The following ELFN1 variants were observed in gnomAD, a reference collection of about 807,000 sequenced individuals.
The protein encoded by ELFN1 is protein ELFN1.
In ELFN1, 6 loss-of-function variants were observed where a neutral mutation model predicts 7.6. That is an observed-to-expected ratio of 0.79 (90% CI 0.43 to 1.56). The LOEUF is 1.56. ELFN1 is among the 40% of genes most tolerant of loss of function. The pLI, the probability that ELFN1 is intolerant of heterozygous loss-of-function variation, is 0.01. For synonymous variants in ELFN1, 657 were observed against 588.1 expected, an observed-to-expected ratio of 1.12 and a Z score of -1.70; for missense variants, 1,169 against 1,232.2, an observed-to-expected ratio of 0.95 and a Z score of 0.77.
intron 3 of ELFN1, among the ~76,000 whole-genome samples, chr7:1,723,700 G>C (rs1013521087): frequency 6.6e-6 from 1 of 152,216 alleles, no homozygotes; most frequent in Non-Finnish European, 1.5e-5. Flanking sequence ...CTTTGCCTTG[G>C]TGAGATGTTG....
intron 1 of ELFN1, among the ~76,000 whole-genome samples, chr7:1,686,871 CTG>C (rs1779070976): frequency 6.6e-6 from 1 of 152,136 alleles, no homozygotes; most frequent in Non-Finnish European, 1.5e-5. Context: ...ATGCAACTCT[CTG>C]TCAGATTCCC....
chr7:1,733,374 C>A (rs978451807), intron 3 of ELFN1, among the ~76,000 whole-genome samples: 2 of 152,070 alleles, frequency 1.3e-5, no homozygotes, highest in Admixed American at 6.5e-5. Context: ...ACAGGCCTCT[C>A]GGGTGCTGAT....
chr7:1,731,107 C>T (rs974456639), intron 3 of ELFN1, among the ~76,000 whole-genome samples: 6 of 152,038 alleles, frequency 3.9e-5, no homozygotes, highest in African/African-American at 9.7e-5. Flanking sequence ...AGGAATGAAT[C>T]GACAAGAGAA....
At chr7:1,730,011 G>T (rs368395451) in intron 3 of ELFN1, among the ~76,000 whole-genome samples, 1 of 152,170 alleles carries the variant, frequency 6.6e-6, no homozygotes, top group African/African-American at 2.4e-5. Context: ...CAAGGCCCTC[G>T]GCAGCCCCAC....
intron 2 of ELFN1, among the ~76,000 whole-genome samples, chr7:1,689,889 G>T (rs1019570877): frequency 6.6e-6 from 1 of 152,192 alleles, no homozygotes; most frequent in African/African-American, 2.4e-5. Context: ...TCCCCAAGCA[G>T]TCAGGGATCT....
chr7:1,732,509 T>C (rs1285994372), intron 3 of ELFN1, among the ~76,000 whole-genome samples: 3 of 152,094 alleles, frequency 2.0e-5, no homozygotes, highest in South Asian at 2.1e-4. Context: ...TTACTCAACA[T>C]AGTGTCAGGG....
At chr7:1,668,732 C>A (rs1476139953), upstream of ELFN1, among the ~76,000 whole-genome samples, 1 of 152,254 alleles carries the variant, frequency 6.6e-6, no homozygotes, top group African/African-American at 2.4e-5. Context: ...CAGTATCTAT[C>A]TGGTGGGTAA....
chr7:1,685,561 AT>A (rs952195943), intron 1 of ELFN1, among the ~76,000 whole-genome samples: 20 of 150,730 alleles, frequency 1.3e-4, no homozygotes, highest in South Asian at 2.1e-4. Context: ...AAGCACACTA[AT>A]TTTTTTTTGC....
At chr7:1,677,508 G>A (rs1413567005) in intron 1 of ELFN1, among the ~76,000 whole-genome samples, 2 of 152,142 alleles carry the variant, frequency 1.3e-5, no homozygotes, top group African/African-American at 4.8e-5. Flanking sequence ...ACAGAGGACT[G>A]TGCAGGGGTG....
Position 1,747,026 on chromosome 7 carries a change from G to A in ELFN1, c.2430G>A (p.Glu810=). 1 of 1,556,456 alleles carries A rather than the reference G, an allele frequency of 6.4e-7. No homozygotes were observed. Among genetic ancestry groups the A allele is most frequent in the Non-Finnish European group, 8.7e-7 (1 of 1,150,104 alleles). ...LRKKVQFAKD[E]DLHDILDYWK... is the part of the protein sequence containing the mutation. ...AGAAGGTTCAGTTCGCCAAAGACGA[G>A]GATCTGCACGACATCCTGGACTACT... Residue 810 remains glutamate, a synonymous_variant, in exon 4 of 4, where the codon GAG becomes GAA. Coordinates refer to ENST00000424383, the MANE Select transcript of ELFN1 (RefSeq NM_001128636.4).
chr7:1,742,670 G>A (rs1050732746), intron 3 of ELFN1, among the ~76,000 whole-genome samples: 10 of 152,176 alleles, frequency 6.6e-5, no homozygotes, highest in South Asian at 4.1e-4. Context: ...TGGGCTTGGC[G>A]TCCCCTGGCC....
intron 2 of ELFN1, among the ~76,000 whole-genome samples, chr7:1,707,743 C>A (rs1201670984): frequency 2.0e-5 from 3 of 152,238 alleles, no homozygotes; most frequent in Admixed American, 6.5e-5. Flanking sequence ...AGCATCCCCC[C>A]ACTTCCCCAC....
At chr7:1,667,794 G>A (rs1778692169), upstream of ELFN1, among the ~76,000 whole-genome samples, 1 of 152,196 alleles carries the variant, frequency 6.6e-6, no homozygotes, top group Admixed American at 6.5e-5. The surrounding 1 kb of genome is among the most constrained non-coding windows in gnomAD (Gnocchi z 8.2). Context: ...TCTGGGGGAG[G>A]GGCAGGGGGC....
intron 2 of ELFN1, among the ~76,000 whole-genome samples, chr7:1,707,874 A>T (rs914165299): frequency 5.3e-5 from 8 of 152,098 alleles, no homozygotes; most frequent in South Asian, 2.1e-4. Flanking sequence ...GCCTTCTAGC[A>T]CTTACTCTGT....
rs993155545 is a variant in ELFN1, at chr7:1,673,143, G to T, written c.-549+2789G>T. 6.6e-6 allele frequency among the ~76,000 whole-genome samples: 1 copy of T among 151,412 alleles called. No individual in the cohort carries two copies. The highest frequency in any genetic ancestry group is 1.5e-5 in the Non-Finnish European group (1 of 67,918). ...GTGGATTTGGTTTCTTCCAGCACAA[G>T]CTCAGGTGTCAAGTGGCCTTGGGTG... On this transcript the variant is annotated intron_variant, in intron 1 of 3. Transcript: ENST00000424383. The surrounding 1 kb of genome is among the most constrained non-coding windows in gnomAD (Gnocchi z 4.7).
Position 1,670,410 on chromosome 7 carries a change from C to A in ELFN1, c.-549+56C>A, listed in dbSNP as rs966802811. On this transcript the variant is annotated intron_variant, in intron 1 of 3. Transcript: ENST00000424383. This position sits in a 1 kb window ranked among gnomAD's most constrained non-coding sequence, Gnocchi z 6.4. ...CTGGGGGACTTGGGACCCGGACCAC[C>A]CCCGGGGAGCGGCGCGGCCAAGCCC... Among the ~76,000 whole-genome samples the A allele has an allele frequency of 6.6e-6, 1 of 151,664 alleles. No homozygotes were observed. Among genetic ancestry groups the A allele is most frequent in the African/African-American group, 2.4e-5 (1 of 41,314 alleles).
intron 2 of ELFN1, among the ~76,000 whole-genome samples, chr7:1,689,798 T>C (rs1488177561): frequency 6.6e-6 from 1 of 152,196 alleles, no homozygotes; most frequent in Admixed American, 6.5e-5. Context: ...CACACCTTCC[T>C]GAAGCAGAGC....
At chr7:1,694,333 T>C in intron 2 of ELFN1, 1 of 162,978 alleles carries the variant, frequency 6.1e-6, no homozygotes, top group East Asian at 1.7e-4. Flanking sequence ...ATCAAAGACC[T>C]TTGCTGCGAG....
At chr7:1,671,185 A>T (rs898123640) in intron 1 of ELFN1, among the ~76,000 whole-genome samples, 11 of 147,484 alleles carry the variant, frequency 7.5e-5, no homozygotes, top group Admixed American at 1.4e-4. Flanking sequence ...CCCCCCCATA[A>T]AAACGACACC....
Sources: allele counts gnomAD v4.1 joint callset (sites outside exome capture counted in the v4.1 genomes callset), GRCh38; gene constraint gnomAD v4.1.1; non-coding constraint Gnocchi (gnomAD v3.1); transcripts MANE v1.5; gene names NCBI Gene and HGNC (gene_info 2026-07-23, HGNC 2026-07-21).